Variants in DRAXIN observed in about 807,000 individuals in gnomAD.
The protein encoded by DRAXIN is dorsal repulsive axon guidance protein.
A neutral mutation model predicts 33.9 loss-of-function variants in DRAXIN; 27 were observed. The ratio of observed to expected loss-of-function variants is 0.80; its 90% CI spans 0.59 to 1.10. The LOEUF (loss-of-function observed/expected upper bound fraction) is 1.10. Among genes scored for constraint, DRAXIN ranks in the 50% least tolerant of loss-of-function variants. The pLI is 0.00. For synonymous variants in DRAXIN, 178 were observed against 194.0 expected (o/e 0.92, Z 0.69); for missense variants, 371 against 460.8 (o/e 0.81, Z 1.78).
chr1:11,701,813 A>G (rs760315463), intron 1 of DRAXIN, among the ~76,000 whole-genome samples: 1 of 152,178 alleles, frequency 6.6e-6, no homozygotes, highest in Non-Finnish European at 1.5e-5. Context: ...ACTGGCTTTC[A>G]GAGTGACAGA....
chr1:11,721,392 C>T lies in DRAXIN; in HGVS notation c.*1696C>T, dbSNP rs1641658061. 6.6e-6 allele frequency: 1 copy of T among 152,220 alleles called. No homozygotes were observed. 9.4% of individuals were successfully genotyped at this position (152,220 alleles called of 1,614,324 possible). A position where few individuals can be genotyped will look rare whatever the true frequency, so the allele number is the denominator to read the frequency against. On this transcript the variant is annotated 3_prime_UTR_variant, in exon 7 of 7. Coordinates refer to ENST00000294485, the MANE Select transcript of DRAXIN (RefSeq NM_198545.4). Reference sequence around the variant, plus strand: ...CTTCAGGAGAACCATTTAAATCCCCCCACTTGGCATCTCACTCCTGGCCAA... The same window carrying T: ...CTTCAGGAGAACCATTTAAATCCCCTCACTTGGCATCTCACTCCTGGCCAA...
At chr1:11,697,803 C>T (rs923825399) in intron 1 of DRAXIN, among the ~76,000 whole-genome samples, 2 of 152,190 alleles carry the variant, frequency 1.3e-5, no homozygotes, top group Admixed American at 1.3e-4. Context: ...GAGAAAGACC[C>T]GTGGAGGGGT....
intron 2 of DRAXIN, among the ~76,000 whole-genome samples, chr1:11,708,581 AGCCCT>A (rs146311992): frequency 0.019 from 2,921 of 152,276 alleles, 85 homozygotes; most frequent in African/African-American, 0.066. Flanking sequence ...CCTGCACTCC[AGCCCT>A]GCTGGAGCTG....
intron 4 of DRAXIN, 80 bp from the exon 5 acceptor site, chr1:11,712,260 C>A: frequency 1.3e-6 from 2 of 1,492,966 alleles, no homozygotes; most frequent in Non-Finnish European, 1.9e-6. Flanking sequence ...GTGGTATGGG[C>A]ACTCCAACAT....
chr1:11,712,034 G>T, intron 4 of DRAXIN, 69 bp downstream of exon 4: 1 of 1,478,964 alleles, frequency 6.8e-7, no homozygotes, highest in Non-Finnish European at 9.3e-7. Flanking sequence ...TGTTGAGGTG[G>T]GGGCCCCAGT....
In DRAXIN at chr1:11,692,748, T is replaced by C. The variant is rs1203884520; in HGVS notation, c.-11+895T>C. On this transcript the variant is annotated intron_variant, in intron 1 of 6. Coordinates refer to ENST00000294485, the MANE Select transcript of DRAXIN (RefSeq NM_198545.4). The surrounding 1 kb of genome is among the most constrained non-coding windows in gnomAD (Gnocchi z 5.8). ...ACCTCCCAGCCCAGTGACACACTGGTGTCTGGAACCGGTTCAGTACTATGC... is the reference window on the plus strand; with the variant it reads ...ACCTCCCAGCCCAGTGACACACTGGCGTCTGGAACCGGTTCAGTACTATGC... 6.6e-6 allele frequency among the ~76,000 whole-genome samples: 1 copy of C among 152,124 alleles called. No homozygotes were observed. Among genetic ancestry groups the C allele is most frequent in the East Asian group, 1.9e-4 (1 of 5,188 alleles).
rs1259569717 is a variant in DRAXIN at position 11,725,057 on chromosome 1, A to G, written c.*5361A>G. On this transcript the variant is annotated 3_prime_UTR_variant, in exon 7 of 7. Transcript: ENST00000294485. Reference sequence around the variant, plus strand: ...GCAAGAGGCTTTCTAGACCTTAGACACTCAAGATTACGGTCCCGGGCCAGT... The same window carrying G: ...GCAAGAGGCTTTCTAGACCTTAGACGCTCAAGATTACGGTCCCGGGCCAGT... 1 of 152,178 alleles carries G rather than the reference A, an allele frequency of 6.6e-6. No individual in the cohort carries two copies. Among genetic ancestry groups the G allele is most frequent in the Non-Finnish European group, 1.5e-5 (1 of 68,038 alleles). The allele number at this position is 152,178 out of a possible 1,614,324, so 9.4% of individuals were successfully genotyped here. A position where few individuals can be genotyped will look rare whatever the true frequency, so the allele number is the denominator to read the frequency against.
chr1:11,718,021 A>C (rs1436343949), intron 6 of DRAXIN, among the ~76,000 whole-genome samples: 1 of 142,466 alleles, frequency 7.0e-6, no homozygotes, highest in African/African-American at 2.6e-5. Flanking sequence ...AAAAAAAGGG[A>C]GGCCCGGCAC....
In DRAXIN at chr1:11,722,299, G is replaced by A. The variant is rs1641669095; in HGVS notation, c.*2603G>A. 1 of 152,246 alleles carries A rather than the reference G, an allele frequency of 6.6e-6. No individual in the cohort carries two copies. Among genetic ancestry groups the A allele is most frequent in the Non-Finnish European group, 1.5e-5 (1 of 68,112 alleles). The allele number at this position is 152,246 out of a possible 1,614,324, so 9.4% of individuals were successfully genotyped here. On this transcript the variant is annotated 3_prime_UTR_variant, in exon 7 of 7. Coordinates refer to ENST00000294485, the MANE Select transcript of DRAXIN (RefSeq NM_198545.4). ...AAGAAAGCCCAGCATTACTATGGCTGGGGGACAGCTGTTAGATGGTCCTAG... is the reference window on the plus strand; with the variant it reads ...AAGAAAGCCCAGCATTACTATGGCTAGGGGACAGCTGTTAGATGGTCCTAG...
intron 2 of DRAXIN, among the ~76,000 whole-genome samples, chr1:11,707,467 T>C (rs1448213255): frequency 6.6e-6 from 1 of 152,194 alleles, no homozygotes; most frequent in Admixed American, 6.5e-5. Flanking sequence ...TGTGCCTCGG[T>C]TTTCCCCTCT....
chr1:11,717,686 C>A (rs1396846669), intron 6 of DRAXIN, among the ~76,000 whole-genome samples: 1 of 146,500 alleles, frequency 6.8e-6, no homozygotes, highest in Non-Finnish European at 1.5e-5. Context: ...AAAGGGTAGA[C>A]AGAAGTGGGC....
At chr1:11,700,191 C>G (rs1294373022) in intron 1 of DRAXIN, among the ~76,000 whole-genome samples, 2 of 152,112 alleles carry the variant, frequency 1.3e-5, no homozygotes, top group Non-Finnish European at 2.9e-5. Context: ...GATTGTGCCA[C>G]TGCACTCCAG....
intron 1 of DRAXIN, among the ~76,000 whole-genome samples, chr1:11,698,727 T>C (rs774784204): frequency 2.4e-4 from 36 of 152,284 alleles, no homozygotes; most frequent in Non-Finnish European, 4.6e-4. Context: ...CATGATGGTT[T>C]GTGGCTGTTG....
intron 5 of DRAXIN, among the ~76,000 whole-genome samples, chr1:11,714,635 C>T (rs9430630): frequency 0.022 from 3,409 of 152,374 alleles, 129 homozygotes; most frequent in African/African-American, 0.078. Flanking sequence ...CTGCTTCATT[C>T]CCAAACCATT....
upstream of DRAXIN, among the ~76,000 whole-genome samples, chr1:11,690,519 A>G (rs1641040754): frequency 3.9e-5 from 6 of 152,238 alleles, no homozygotes. This position sits in a 1 kb window ranked among gnomAD's most constrained non-coding sequence, Gnocchi z 4.2. Flanking sequence ...GCTCGAGGTC[A>G]TAGGGGACGG....
chr1:11,699,992 A>G (rs111664621), intron 1 of DRAXIN, among the ~76,000 whole-genome samples: 2 of 147,966 alleles, frequency 1.4e-5, no homozygotes, highest in South Asian at 2.2e-4. Context: ...TAATCCCAGC[A>G]CTTTGGGAGG....
chr1:11,707,402 T>C (rs1440173350), intron 2 of DRAXIN, among the ~76,000 whole-genome samples: 1 of 152,194 alleles, frequency 6.6e-6, no homozygotes, highest in Non-Finnish European at 1.5e-5. Context: ...CAGGTCTGCC[T>C]GAGATCAGGT....
rs1282186044 is a variant in DRAXIN, at chr1:11,722,546, C to T, written c.*2850C>T. On this transcript the variant is annotated 3_prime_UTR_variant, in exon 7 of 7. Transcript: ENST00000294485. The stretch of plus-strand genomic sequence containing the variant: ...TCAAGTGTCTAACCAACCTCTCTGC[C>T]AGGAAGTTCTTCCTTAGGTCTATCT... 1.3e-5 allele frequency: 2 copies of T among 152,184 alleles called. No homozygotes were observed. Among genetic ancestry groups the T allele is most frequent in the Admixed American group, 1.3e-4 (2 of 15,268 alleles). The allele number at this position is 152,184 out of a possible 1,614,324, so 9.4% of individuals were successfully genotyped here.
At chr1:11,697,042 TAA>T (rs3073070) in intron 1 of DRAXIN, among the ~76,000 whole-genome samples, 21,167 of 140,260 alleles carry the variant, frequency 0.15, 1,543 homozygotes, top group East Asian at 0.3. Flanking sequence ...TCTTAATAAT[TAA>T]AAAAAAAAAA....
Sources: allele counts gnomAD v4.1 joint callset (sites outside exome capture counted in the v4.1 genomes callset), GRCh38; gene constraint gnomAD v4.1.1; non-coding constraint Gnocchi (gnomAD v3.1); transcripts MANE v1.5; gene names NCBI Gene and HGNC (gene_info 2026-07-23, HGNC 2026-07-21).